The following DMD variants were observed in gnomAD, a reference collection of about 807,000 sequenced individuals.
DMD encodes dystrophin.
DMD carries 63 observed loss-of-function variants against 330.1 expected under a neutral mutation model. The observed-to-expected ratio is 0.19, with a 90% CI of 0.16 to 0.24. DMD has a LOEUF of 0.24. Among genes scored for constraint, DMD ranks in the 10% least tolerant of loss-of-function variants. The probability of loss-of-function intolerance (pLI) is 1.00; values close to 1 mark genes in which losing one functional copy is unlikely to be tolerated. For synonymous variants in DMD, 1,223 were observed against 959.8 expected (o/e 1.27, Z -5.07); for missense variants, 3,344 against 2,684.1 (o/e 1.25, Z -5.43).
chrX:31,255,616 G>A (rs1569505303), intron 63 of DMD, among the ~76,000 whole-genome samples: 2 of 110,762 alleles, frequency 1.8e-5, no homozygotes, highest in Non-Finnish European at 3.8e-5. Context: ...ACATAGGAAT[G>A]ATTACATTTT....
intron 43 of DMD, among the ~76,000 whole-genome samples, chrX:32,281,459 C>A (rs1377075882): frequency 8.9e-6 from 1 of 111,921 alleles, no homozygotes; most frequent in East Asian, 2.8e-4. Context: ...AGCATTCACA[C>A]AGAAATGTGT....
intron 55 of DMD, among the ~76,000 whole-genome samples, chrX:31,570,912 TA>T: frequency 8.9e-6 from 1 of 111,903 alleles, no homozygotes; most frequent in Middle Eastern, 4.6e-3. Context: ...TGGTTAACCA[TA>T]ATTTAGATTT....
intron 44 of DMD, among the ~76,000 whole-genome samples, chrX:32,084,538 G>A (rs2096416728): frequency 8.9e-6 from 1 of 111,829 alleles, no homozygotes; most frequent in East Asian, 2.8e-4. Context: ...CTATTTTCAA[G>A]CATTATTACT....
At chrX:32,259,234 T>C (rs894824255) in intron 43 of DMD, among the ~76,000 whole-genome samples, 8 of 110,336 alleles carry the variant, frequency 7.3e-5, no homozygotes, top group Non-Finnish European at 1.1e-4. Flanking sequence ...ATTAAAATTA[T>C]ACCTACTCAA....
intron 1 of DMD, among the ~76,000 whole-genome samples, chrX:33,140,602 A>G (rs2047746099): frequency 1.8e-5 from 2 of 112,178 alleles, no homozygotes; most frequent in Admixed American, 1.9e-4. Context: ...CTTTGTTTCC[A>G]TTTAGCTTTA....
At position 32,463,367 on chromosome X, in the gene DMD, G is replaced by A. The variant is rs1206955326; in HGVS notation, c.3432+72C>T. Reference sequence around the variant, plus strand: ...GAACAAAGCCTTAACCAAAAGTAACGGTGAAGGGAGACATTAGGAAATCTT... The same window carrying A: ...GAACAAAGCCTTAACCAAAAGTAACAGTGAAGGGAGACATTAGGAAATCTT... On this transcript the variant is annotated intron_variant, in intron 25 of 78. Coordinates refer to ENST00000357033, the MANE Select transcript of DMD (RefSeq NM_004006.3). 27 of 1,007,808 alleles carry A rather than the reference G, an allele frequency of 2.7e-5. No individual in the cohort carries two copies. The East Asian group carries it at 6.3e-4, about 24-fold the overall frequency. 83.1% of individuals were successfully genotyped at this position (1,007,808 alleles called of 1,213,427 possible). A position where few individuals can be genotyped will look rare whatever the true frequency, so the allele number is the denominator to read the frequency against.
chrX:31,709,540 G>T (rs2084448099), intron 52 of DMD, among the ~76,000 whole-genome samples: 1 of 104,200 alleles, frequency 9.6e-6, no homozygotes, highest in African/African-American at 3.5e-5. Context: ...GTCAGGAATT[G>T]GTTGTTATTG....
At chrX:31,281,195 A>G (rs752558679) in intron 62 of DMD, among the ~76,000 whole-genome samples, 131 of 111,880 alleles carry the variant, frequency 1.2e-3, no homozygotes, top group African/African-American at 4.0e-3. Flanking sequence ...GTGTTGATCT[A>G]GATCTATTAA....
intron 44 of DMD, among the ~76,000 whole-genome samples, chrX:32,180,361 G>T (rs955337693): frequency 1.8e-5 from 2 of 112,035 alleles, no homozygotes; most frequent in Non-Finnish European, 3.8e-5. Context: ...TGAAAGCCTG[G>T]TGAGCTCTAA....
At chrX:31,779,726 G>C (rs925719483) in intron 50 of DMD, among the ~76,000 whole-genome samples, 4 of 108,270 alleles carry the variant, frequency 3.7e-5, no homozygotes, top group African/African-American at 1.4e-4. Flanking sequence ...TGTAAAGAGA[G>C]ACAGACAGAG....
rs759742339 is a variant in DMD, at chrX:31,587,755, C to G, written c.8217+39918G>C. Among the ~76,000 whole-genome samples the G allele has an allele frequency of 7.2e-5, 8 of 111,436 alleles. No individual in the cohort carries two copies. In the South Asian group the frequency reaches 3.1e-3, roughly 43 times the overall value. ...CACTTTTCTTGGTACATGGACCTCT[C>G]TCCCCCCGTACTCTCAGTATTTCAA... On this transcript the variant is annotated intron_variant, in intron 55 of 78. Coordinates refer to ENST00000357033, the MANE Select transcript of DMD (RefSeq NM_004006.3).
At chrX:31,147,558 G>T (rs200982086) in intron 74 of DMD, 40 bp from the exon 75 acceptor site, 1 of 586,741 alleles carries the variant, frequency 1.7e-6, no homozygotes, top group Non-Finnish European at 2.5e-6. Flanking sequence ...AAAAAAGAAA[G>T]AAAAAGAAAA....
intron 1 of DMD, among the ~76,000 whole-genome samples, chrX:33,020,469 T>C (rs2093893194): frequency 9.0e-6 from 1 of 111,641 alleles, no homozygotes; most frequent in Non-Finnish European, 1.9e-5. Flanking sequence ...AGGCCAGTAG[T>C]TTGAGACCAG....
chrX:33,179,643 G>C (rs1487678907), intron 1 of DMD, among the ~76,000 whole-genome samples: 2 of 105,937 alleles, frequency 1.9e-5, no homozygotes, highest in Non-Finnish European at 3.9e-5. Flanking sequence ...GCAGTGAGCC[G>C]AGATCGCGCC....
At chrX:32,090,722 A>C (rs2147995348) in intron 44 of DMD, among the ~76,000 whole-genome samples, 1 of 111,545 alleles carries the variant, frequency 9.0e-6, no homozygotes, top group Non-Finnish European at 1.9e-5. Context: ...AGTAATGTGA[A>C]TGAAAGAGTA....
intron 7 of DMD, among the ~76,000 whole-genome samples, chrX:32,771,803 G>A (rs1254908372): frequency 1.8e-5 from 2 of 111,931 alleles, no homozygotes; most frequent in African/African-American, 3.3e-5. Flanking sequence ...CACTGATCAA[G>A]AATGAGAGGA....
intron 70 of DMD, chrX:31,178,353 T>C: frequency 1.3e-5 from 13 of 964,593 alleles, no homozygotes; most frequent in Non-Finnish European, 1.7e-5. Flanking sequence ...CAAAATGAAA[T>C]ACTGGAATCA....
intron 9 of DMD, among the ~76,000 whole-genome samples, chrX:32,666,192 CTTTTTTTATTAT>C (rs1454259881): frequency 9.0e-6 from 1 of 110,855 alleles, no homozygotes; most frequent in Non-Finnish European, 1.9e-5. Flanking sequence ...TCCTAGGTGT[CTTTTTTTATTAT>C]TATACTTCAA....
At chrX:31,534,976 G>C (rs1169183222) in intron 55 of DMD, among the ~76,000 whole-genome samples, 17 of 69,417 alleles carry the variant, frequency 2.4e-4, no homozygotes, top group African/African-American at 8.3e-4. Flanking sequence ...CACTGCTCAA[G>C]GAAATAAAAG....
Sources: gnomAD v4.1 joint callset for allele counts (sites outside exome capture counted in the v4.1 genomes callset) on GRCh38, gnomAD v4.1.1 for gene constraint, MANE v1.5 for transcripts, NCBI Gene and HGNC (gene_info 2026-07-23, HGNC 2026-07-21) for gene names.